XKR6: variants seen among roughly 807,000 people sequenced by gnomAD.
XKR6 encodes XK-related protein 6.
A neutral mutation model predicts 56.7 loss-of-function variants in XKR6; 22 were observed. The ratio of observed to expected loss-of-function variants is 0.39; its 90% CI spans 0.28 to 0.55. The LOEUF (loss-of-function observed/expected upper bound fraction) is 0.55. XKR6 is among the 20% of genes least tolerant of loss of function. The probability of loss-of-function intolerance (pLI) is 0.66; values close to 1 mark genes in which losing one functional copy is unlikely to be tolerated. For synonymous variants in XKR6, 524 were observed against 387.8 expected (o/e 1.35, Z -4.13); for missense variants, 852 against 889.0 (o/e 0.96, Z 0.53).
chr8:11,076,815 C>T (rs2129168705), intron 1 of XKR6, among the ~76,000 whole-genome samples: 1 of 152,296 alleles, frequency 6.6e-6, no homozygotes, highest in South Asian at 2.1e-4. Flanking sequence ...CCACTGCTAC[C>T]TTGAATCCCA....
chr8:10,995,954 G>C (rs1320338313), intron 1 of XKR6, among the ~76,000 whole-genome samples: 1 of 152,162 alleles, frequency 6.6e-6, no homozygotes, highest in South Asian at 2.1e-4. Flanking sequence ...CCTTGGGCAA[G>C]CCACCTCTTG....
chr8:11,159,907 C>G (rs1052237472), intron 1 of XKR6, among the ~76,000 whole-genome samples: 1 of 152,188 alleles, frequency 6.6e-6, no homozygotes, highest in Non-Finnish European at 1.5e-5. Context: ...CTGCAGCTAT[C>G]TCATGACCCC....
At chr8:10,974,866 G>T (rs1440316176) in intron 1 of XKR6, among the ~76,000 whole-genome samples, 1 of 152,214 alleles carries the variant, frequency 6.6e-6, no homozygotes, top group African/African-American at 2.4e-5. Flanking sequence ...CGGGGAAGGT[G>T]AAAAGGTTCT....
At chr8:11,144,235 TG>T (rs1800864317) in intron 1 of XKR6, among the ~76,000 whole-genome samples, 1 of 150,342 alleles carries the variant, frequency 6.7e-6, no homozygotes, top group Admixed American at 6.7e-5. Context: ...TGTGTGTGTG[TG>T]TGTGTGTGTG....
Position 11,144,778 on chromosome 8 carries a change from T to A in XKR6, c.764+55798A>T, listed in dbSNP as rs547206600. On this transcript the variant is annotated intron_variant, in intron 1 of 2. Transcript: ENST00000416569. ...TTCCATTTTGACTCCGTAAGATAAT[T>A]AAAGTCCTCATCTCCAGAGCCCTGC... 3.6e-4 allele frequency among the ~76,000 whole-genome samples: 55 copies of A among 151,482 alleles called. 1 individual carries two copies. Among genetic ancestry groups the A allele is most frequent in the African/African-American group, 1.3e-3 (52 of 41,256 alleles).
intron 1 of XKR6, among the ~76,000 whole-genome samples, chr8:11,145,781 A>T (rs946045029): frequency 1.3e-5 from 2 of 152,266 alleles, no homozygotes; most frequent in East Asian, 3.9e-4. Context: ...TTCTTCCAAA[A>T]CTGATCTGCT....
At chr8:11,013,611 A>G (rs1159387021) in intron 1 of XKR6, among the ~76,000 whole-genome samples, 3 of 152,192 alleles carry the variant, frequency 2.0e-5, no homozygotes, top group Admixed American at 1.3e-4. Flanking sequence ...TGCAGTGCCT[A>G]GATCTGGCCC....
chr8:11,098,774 G>A (rs141532382), intron 1 of XKR6, among the ~76,000 whole-genome samples: 4 of 152,200 alleles, frequency 2.6e-5, no homozygotes, highest in Middle Eastern at 3.4e-3. Context: ...TCACATTCTT[G>A]GACGAATAAA....
chr8:11,118,993 A>G (rs1799313505), intron 1 of XKR6, among the ~76,000 whole-genome samples: 2 of 151,872 alleles, frequency 1.3e-5, no homozygotes, highest in Non-Finnish European at 2.9e-5. Flanking sequence ...TCTCTGAGAG[A>G]TTCTGGTATG....
intron 1 of XKR6, among the ~76,000 whole-genome samples, chr8:11,149,238 C>G (rs1177394722): frequency 2.0e-5 from 3 of 152,208 alleles, no homozygotes; most frequent in African/African-American, 7.2e-5. Flanking sequence ...GCCTACGACA[C>G]ACCTCGACTC....
Position 10,903,137 on chromosome 8 carries a change from GC to G in XKR6, c.962-4222del, listed in dbSNP as rs548400742. On this transcript the variant is annotated intron_variant, in intron 2 of 2. Coordinates refer to ENST00000416569, the MANE Select transcript of XKR6 (RefSeq NM_173683.4). ...GCATCGATGAACATGTCTTCAGCCT[GC>G]CCCCCAGGAACTCATCTGGACCTGT... 5.3e-5 allele frequency among the ~76,000 whole-genome samples: 8 copies of G among 152,260 alleles called. No homozygotes were observed. The South Asian group carries it at 1.5e-3, about 28-fold the overall frequency.
intron 1 of XKR6, among the ~76,000 whole-genome samples, chr8:11,059,886 G>A (rs1056835242): frequency 6.6e-6 from 1 of 152,164 alleles, no homozygotes; most frequent in Non-Finnish European, 1.5e-5. Flanking sequence ...AAAAAACAAC[G>A]CTCCTGCAGT....
chr8:11,128,676 T>C (rs767082881), intron 1 of XKR6: 4 of 375,976 alleles, frequency 1.1e-5, no homozygotes, highest in South Asian at 2.0e-5. Context: ...CAAGATGAAA[T>C]TACCCTGATG....
intron 1 of XKR6, among the ~76,000 whole-genome samples, chr8:11,055,056 G>C (rs539402966): frequency 6.6e-6 from 1 of 152,302 alleles, no homozygotes; most frequent in East Asian, 1.9e-4. Flanking sequence ...GTTTGTGGGA[G>C]GAGGTATTAA....
At chr8:10,984,732 C>CTCTATATATATATATATATATATA in intron 1 of XKR6, among the ~76,000 whole-genome samples, 29 of 47,480 alleles carry the variant, frequency 6.1e-4, no homozygotes, top group South Asian at 1.7e-3. Flanking sequence ...CTCTCTCTCT[C>CTCTATATATATATATATATATATA]TATATATATA....
intron 1 of XKR6, among the ~76,000 whole-genome samples, chr8:11,173,615 G>A (rs7017362): frequency 0.055 from 8,343 of 152,152 alleles, 266 homozygotes; most frequent in South Asian, 0.085. Context: ...AGTTCAGTGA[G>A]TGACACACAT....
intron 1 of XKR6, among the ~76,000 whole-genome samples, chr8:11,046,148 C>T (rs2129157890): frequency 6.6e-6 from 1 of 152,256 alleles, no homozygotes; most frequent in East Asian, 1.9e-4. Flanking sequence ...CCTGTAATCC[C>T]AGCACTTTGG....
At chr8:11,118,214 A>G (rs1209942284) in intron 1 of XKR6, among the ~76,000 whole-genome samples, 1 of 149,114 alleles carries the variant, frequency 6.7e-6, no homozygotes, top group Non-Finnish European at 1.5e-5. Context: ...AATCTGCAAA[A>G]CAAGCCCAAC....
chr8:11,017,637 C>G (rs1461998092), intron 1 of XKR6, among the ~76,000 whole-genome samples: 1 of 152,208 alleles, frequency 6.6e-6, no homozygotes, highest in Non-Finnish European at 1.5e-5. Context: ...GACACCCACA[C>G]AGAGCCTCAC....
Sources: allele counts gnomAD v4.1 joint callset (sites outside exome capture counted in the v4.1 genomes callset), GRCh38; gene constraint gnomAD v4.1.1; transcripts MANE v1.5; gene names NCBI Gene and HGNC (gene_info 2026-07-23, HGNC 2026-07-21).